Variants in ASTN2 observed in about 807,000 individuals in gnomAD.
ASTN2 encodes astrotactin 2.
Under a neutral mutation model 139.8 loss-of-function variants are expected in ASTN2, and 54 were observed. The ratio of observed to expected loss-of-function variants is 0.39; its 90% CI spans 0.31 to 0.48. The LOEUF is 0.48. Among genes scored for constraint, ASTN2 ranks in the 20% least tolerant of loss-of-function variants. The probability of loss-of-function intolerance (pLI) is 0.95; values close to 1 mark genes in which losing one functional copy is unlikely to be tolerated. For synonymous variants in ASTN2, 756 were observed against 719.5 expected (o/e 1.05, Z -0.81); for missense variants, 1,565 against 1,725.1 (o/e 0.91, Z 1.64).
intron 1 of ASTN2, among the ~76,000 whole-genome samples, chr9:117,368,523 T>A (rs1829906452): frequency 6.6e-6 from 1 of 152,154 alleles, no homozygotes; most frequent in Non-Finnish European, 1.5e-5. Flanking sequence ...ACTTTCCATC[T>A]CCCTTCTTAA....
chr9:117,081,519 T>G (rs1828427501), intron 5 of ASTN2, among the ~76,000 whole-genome samples: 1 of 152,206 alleles, frequency 6.6e-6, no homozygotes, highest in Admixed American at 6.5e-5. Flanking sequence ...TGGGTGCCAC[T>G]GTGACTATGA....
At chr9:116,580,667 G>C (rs1175014072) in intron 19 of ASTN2, among the ~76,000 whole-genome samples, 5 of 152,164 alleles carry the variant, frequency 3.3e-5, no homozygotes, top group Non-Finnish European at 5.9e-5. Context: ...TCCCAGAAGT[G>C]GGAGGTGCAC....
intron 19 of ASTN2, among the ~76,000 whole-genome samples, chr9:116,607,504 A>T (rs1476427315): frequency 1.3e-5 from 2 of 152,212 alleles, no homozygotes; most frequent in African/African-American, 2.4e-5. Context: ...ACCCTAGGCC[A>T]GATAACCAAA....
At chr9:116,886,603 G>A (rs1234322474) in intron 10 of ASTN2, among the ~76,000 whole-genome samples, 4 of 152,184 alleles carry the variant, frequency 2.6e-5, no homozygotes, top group Admixed American at 1.3e-4. Context: ...CTGGCTTCAA[G>A]TGATCCTCCC....
At chr9:116,986,162 C>T (rs934046400) in intron 7 of ASTN2, among the ~76,000 whole-genome samples, 2 of 111,556 alleles carry the variant, frequency 1.8e-5, no homozygotes, top group African/African-American at 4.2e-5. Context: ...TCCAGGCTGC[C>T]CCCCCCCACC....
chr9:116,852,878 TACACACACACACACACACAC>T (rs3040211), intron 11 of ASTN2, among the ~76,000 whole-genome samples: 1 of 134,270 alleles, frequency 7.4e-6, no homozygotes, highest in Non-Finnish European at 1.5e-5. Flanking sequence ...AAGGGGAAAA[TACACACACACACACACACAC>T]ACACACACAC....
chr9:116,499,626 C>G (rs1291907736), intron 19 of ASTN2, among the ~76,000 whole-genome samples: 8 of 152,252 alleles, frequency 5.3e-5, no homozygotes, highest in Non-Finnish European at 8.8e-5. Context: ...TTAGTCACCA[C>G]CTGAGCCCTA....
At chr9:116,634,178 G>T (rs1444355816) in intron 17 of ASTN2, among the ~76,000 whole-genome samples, 2 of 152,188 alleles carry the variant, frequency 1.3e-5, no homozygotes, top group Non-Finnish European at 2.9e-5. Flanking sequence ...CAAGGATCAT[G>T]TATAAAGTGC....
chr9:116,798,148 G>A (rs2132233037), intron 13 of ASTN2, among the ~76,000 whole-genome samples: 1 of 152,328 alleles, frequency 6.6e-6, no homozygotes, highest in Non-Finnish European at 1.5e-5. Context: ...GCGCACGCCT[G>A]TAATCCCAGC....
Position 116,618,490 on chromosome 9 carries a change from G to A in ASTN2, c.3207-18C>T, listed in dbSNP as rs1855963657. ...GCCGCAGCCTACAGGGAATAAAAAGGAAGATTCGTGTTTGGCAGCCAGCAC... is the reference window on the plus strand; with the variant it reads ...GCCGCAGCCTACAGGGAATAAAAAGAAAGATTCGTGTTTGGCAGCCAGCAC... On this transcript the variant is annotated intron_variant, in intron 18 of 22. Transcript: ENST00000313400. 1 of 1,590,184 alleles carries A rather than the reference G, an allele frequency of 6.3e-7. No individual in the cohort carries two copies. Among genetic ancestry groups the A allele is most frequent in the Admixed American group, 1.8e-5 (1 of 54,790 alleles).
At chr9:117,009,331 C>T in intron 6 of ASTN2, among the ~76,000 whole-genome samples, 1 of 152,130 alleles carries the variant, frequency 6.6e-6, no homozygotes, top group East Asian at 1.9e-4. Flanking sequence ...TACTATATTA[C>T]ATATAAATGT....
intron 20 of ASTN2, among the ~76,000 whole-genome samples, chr9:116,444,965 G>A (rs1415387106): frequency 6.6e-6 from 1 of 152,186 alleles, no homozygotes; most frequent in Non-Finnish European, 1.5e-5. Context: ...GGCAAGGTGG[G>A]AAGTGAGAAC....
At chr9:117,164,404 T>G (rs1267909099) in intron 3 of ASTN2, among the ~76,000 whole-genome samples, 2 of 151,976 alleles carry the variant, frequency 1.3e-5, no homozygotes, top group African/African-American at 4.8e-5. Flanking sequence ...TGTCATTGGG[T>G]GTAAATGAAA....
intron 17 of ASTN2, among the ~76,000 whole-genome samples, chr9:116,651,069 A>T (rs1857884227): frequency 6.7e-6 from 1 of 149,132 alleles, no homozygotes; most frequent in Admixed American, 6.9e-5. Context: ...GATGCCTGCC[A>T]CCACACCTGG....
Position 116,702,364 on chromosome 9 carries a change from A to G in ASTN2, c.2806+23407T>C, listed in dbSNP as rs1588223578. On this transcript the variant is annotated intron_variant, in intron 16 of 22. Coordinates refer to ENST00000313400, the MANE Select transcript of ASTN2 (RefSeq NM_001365068.1). ...TAAACAGTTCCTTTCTTCTTGCTTA[A>G]CAGGTTTCTATTTGGTGATTAAAAC... Among the ~76,000 whole-genome samples the G allele has an allele frequency of 3.3e-5, 5 of 152,212 alleles. 1 individual carries two copies. The South Asian group carries it at 8.3e-4, about 25-fold the overall frequency.
At chr9:116,601,677 A>C (rs1484623017) in intron 19 of ASTN2, among the ~76,000 whole-genome samples, 5 of 152,236 alleles carry the variant, frequency 3.3e-5, no homozygotes, top group African/African-American at 4.8e-5. Flanking sequence ...TTAAGTTTAT[A>C]GAGGCACCAG....
At chr9:117,099,406 A>C (rs1464567650) in intron 4 of ASTN2, among the ~76,000 whole-genome samples, 2 of 152,074 alleles carry the variant, frequency 1.3e-5, no homozygotes, top group Non-Finnish European at 1.5e-5. Flanking sequence ...CATCCTAAAC[A>C]CATGACCTGT....
At chr9:117,063,723 C>A (rs563198699) in intron 5 of ASTN2, among the ~76,000 whole-genome samples, 50 of 152,210 alleles carry the variant, frequency 3.3e-4, no homozygotes, top group African/African-American at 1.2e-3. Flanking sequence ...GGAACACTGC[C>A]CTTGAGCATA....
chr9:117,138,210 G>T (rs1452482404), intron 4 of ASTN2, among the ~76,000 whole-genome samples: 2 of 152,168 alleles, frequency 1.3e-5, no homozygotes, highest in Non-Finnish European at 2.9e-5. Flanking sequence ...AGTTAAAAAA[G>T]GAGGGTGACG....
Sources: gnomAD v4.1 joint callset for allele counts (sites outside exome capture counted in the v4.1 genomes callset) on GRCh38, gnomAD v4.1.1 for gene constraint, MANE v1.5 for transcripts, NCBI Gene and HGNC (gene_info 2026-07-23, HGNC 2026-07-21) for gene names.